RNF146: variants seen among roughly 807,000 people sequenced by gnomAD.
RNF146 encodes ring finger protein 146, also known as E3 ubiquitin-protein ligase RNF146.
RNF146 carries 11 observed loss-of-function variants against 29.7 expected under a neutral mutation model. The ratio of observed to expected loss-of-function variants is 0.37; its 90% CI spans 0.23 to 0.61. The LOEUF (loss-of-function observed/expected upper bound fraction) is 0.61, where lower values mean the gene tolerates loss of function less well. RNF146 is among the 20% of genes least tolerant of loss of function. RNF146 has a pLI of 0.66. For missense variants in RNF146, 342 were observed against 438.9 expected, an observed-to-expected ratio of 0.78 and a Z score of 1.97; for synonymous variants, 150 against 159.7, an observed-to-expected ratio of 0.94 and a Z score of 0.46.
Position 127,286,253 on chromosome 6 carries a change from T to G in RNF146, c.3-363T>G. 1 of 1,112,104 alleles carries G rather than the reference T, an allele frequency of 9.0e-7. No homozygotes were observed. Among genetic ancestry groups the G allele is most frequent in the East Asian group, 3.2e-5 (1 of 31,100 alleles). 68.9% of individuals were successfully genotyped at this position (1,112,104 alleles called of 1,614,324 possible). A position where few individuals can be genotyped will look rare whatever the true frequency, so the allele number is the denominator to read the frequency against. The stretch of plus-strand genomic sequence containing the variant: ...TAATAAAGGACTCTAAAACTCAGAT[T>G]TTTAGATTTCTTGTCTAGCATTCAT... On this transcript the variant is annotated intron_variant, in intron 2 of 2. Coordinates refer to ENST00000368314, the MANE Select transcript of RNF146 (RefSeq NM_001242850.2). This position sits in a 1 kb window ranked among gnomAD's most constrained non-coding sequence, Gnocchi z 4.6.
At chr6:127,278,868 G>A (rs1313847189) in intron 1 of RNF146, among the ~76,000 whole-genome samples, 2 of 151,862 alleles carry the variant, frequency 1.3e-5, no homozygotes, top group African/African-American at 4.8e-5. Flanking sequence ...TTGTGATTTT[G>A]ATTTACATTT....
intron 1 of RNF146, among the ~76,000 whole-genome samples, chr6:127,271,431 A>G (rs1190401744): frequency 6.6e-6 from 1 of 152,222 alleles, no homozygotes; most frequent in African/African-American, 2.4e-5. Flanking sequence ...ATAACAGAAT[A>G]TGCAGTTTTC....
chr6:127,286,914 A>C lies in RNF146; in HGVS notation c.301A>C (p.Asn101His). 1 of 1,613,376 alleles carries C rather than the reference A, an allele frequency of 6.2e-7. No individual in the cohort carries two copies. Among genetic ancestry groups the C allele is most frequent in the Non-Finnish European group, 8.5e-7 (1 of 1,179,592 alleles). The change falls in exon 3 of 3, where the codon AAT becomes CAT. Residue 101 changes from asparagine (N) to histidine (H), a missense_variant. Physicochemically the swap from Asn to His is moderately conservative, Grantham distance 68. Around this residue, in one of 6 missense-constraint regions of RNF146, gnomAD observed 50 missense variants for 54.9 expected, o/e 0.91. Coordinates refer to ENST00000368314, the MANE Select transcript of RNF146 (RefSeq NM_001242850.2). The surrounding 1 kb of genome is among the most constrained non-coding windows in gnomAD (Gnocchi z 4.6). ...PEELKAASRG[N>H]GEYAWYYEGR... ...AGAACTCAAGGCAGCAAGTAGAGGA[A>C]ATGGTGAATATGCATGGTATTATGA...
At chr6:127,274,757 AC>A (rs36121662) in intron 1 of RNF146, among the ~76,000 whole-genome samples, 14,415 of 152,108 alleles carry the variant, frequency 0.095, 716 homozygotes, top group East Asian at 0.15. Context: ...GACTTTGTGG[AC>A]CAAAAAACTT....
At chr6:127,271,902 T>G (rs1777552735) in intron 1 of RNF146, among the ~76,000 whole-genome samples, 1 of 152,150 alleles carries the variant, frequency 6.6e-6, no homozygotes, top group African/African-American at 2.4e-5. Context: ...CCTGTGTCAC[T>G]ACCCACAAAG....
intron 2 of RNF146, among the ~76,000 whole-genome samples, chr6:127,282,794 ACTC>A (rs1298306128): frequency 6.6e-6 from 1 of 151,402 alleles, no homozygotes; most frequent in Non-Finnish European, 1.5e-5. Context: ...CTTTCAGTGA[ACTC>A]CTCTTGTCTC....
chr6:127,277,475 G>A lies in RNF146; in HGVS notation c.-108-2756G>A, dbSNP rs565042316. On this transcript the variant is annotated intron_variant, in intron 1 of 2. Coordinates refer to ENST00000368314, the MANE Select transcript of RNF146 (RefSeq NM_001242850.2). ...AGTATATTAGGCAGTGTTCTCTAGGGGGACAGAACTAATAGAATATATATA... is the reference window on the plus strand; with the variant it reads ...AGTATATTAGGCAGTGTTCTCTAGGAGGACAGAACTAATAGAATATATATA... Among the ~76,000 whole-genome samples, 14 of 152,012 alleles carry A rather than the reference G, an allele frequency of 9.2e-5. 1 individual carries two copies. Among genetic ancestry groups the A allele is most frequent in the African/African-American group, 3.4e-4 (14 of 41,494 alleles).
In RNF146 at chr6:127,287,359, A is replaced by G. The variant is rs1562293856; in HGVS notation, c.746A>G (p.His249Arg). 6.2e-7 allele frequency: 1 copy of G among 1,613,466 alleles called. No individual in the cohort carries two copies. Reference protein sequence around the residue: ...ASTSLEDSFAHLQLSGDNTAE... With the variant: ...ASTSLEDSFARLQLSGDNTAE... Reference sequence around the variant, plus strand: ...ACTTCTCTGGAAGACTCTTTTGCTCATTTACAACTCAGTGGAGACAACACA... The same window carrying G: ...ACTTCTCTGGAAGACTCTTTTGCTCGTTTACAACTCAGTGGAGACAACACA... The change falls in exon 3 of 3, where the codon CAT (histidine) becomes CGT (arginine). Residue 249 changes from histidine (H) to arginine (R), a missense_variant. This residue lies in a region of RNF146 where 196 missense variants were observed against 208.9 expected (regional missense o/e 0.94). Coordinates refer to ENST00000368314, the MANE Select transcript of RNF146 (RefSeq NM_001242850.2).
chr6:127,286,439 C>A lies in RNF146; in HGVS notation c.3-177C>A. 1 of 741,062 alleles carries A rather than the reference C, an allele frequency of 1.3e-6. No homozygotes were observed. The allele number at this position is 741,062 out of a possible 1,614,324, so 45.9% of individuals were successfully genotyped here. A position where few individuals can be genotyped will look rare whatever the true frequency, so the allele number is the denominator to read the frequency against. The stretch of plus-strand genomic sequence containing the variant: ...CAAGGTATGTACAAGTAGATGCTTA[C>A]AAAAAATTTTCATCGGTTGGAGAGT... On this transcript the variant is annotated intron_variant, in intron 2 of 2. Transcript: ENST00000368314. The surrounding 1 kb of genome is among the most constrained non-coding windows in gnomAD (Gnocchi z 4.6).
intron 2 of RNF146, among the ~76,000 whole-genome samples, chr6:127,281,991 A>G (rs1778971909): frequency 6.6e-6 from 1 of 151,692 alleles, no homozygotes; most frequent in South Asian, 2.1e-4. Flanking sequence ...AGGAGGGAGA[A>G]GTTTTATGAT....
At chr6:127,279,892 G>T (rs1278705462) in intron 1 of RNF146, among the ~76,000 whole-genome samples, 2 of 151,718 alleles carry the variant, frequency 1.3e-5, no homozygotes, top group Non-Finnish European at 2.9e-5. Flanking sequence ...GTTGTCTCCT[G>T]GTGTATCAGA....
chr6:127,284,206 G>A (rs1341433168), intron 2 of RNF146, among the ~76,000 whole-genome samples: 2 of 151,748 alleles, frequency 1.3e-5, no homozygotes, highest in East Asian at 1.9e-4. Context: ...ATTGGTCCAC[G>A]TGACATGTTG....
In RNF146 at chr6:127,287,853, G is replaced by A. The variant is rs1326823120; in HGVS notation, c.*160G>A. The A allele has an allele frequency of 5.5e-6, 3 of 549,758 alleles. No homozygotes were observed. The Admixed American group carries it at 9.6e-5, about 18-fold the overall frequency. The allele number at this position is 549,758 out of a possible 1,614,324, so 34.1% of individuals were successfully genotyped here. A position where few individuals can be genotyped will look rare whatever the true frequency, so the allele number is the denominator to read the frequency against. On this transcript the variant is annotated 3_prime_UTR_variant, in exon 3 of 3. Coordinates refer to ENST00000368314, the MANE Select transcript of RNF146 (RefSeq NM_001242850.2). ...TAATTAAAATGTCTAACATGTCTCT[G>A]TTGAGAAATTTATTTAATGTAAGGA...
intron 2 of RNF146, among the ~76,000 whole-genome samples, chr6:127,283,132 T>C (rs1445390678): frequency 1.3e-5 from 2 of 151,780 alleles, no homozygotes; most frequent in Non-Finnish European, 2.9e-5. Context: ...AGACTTAGTA[T>C]TAATAGACTC....
chr6:127,278,664 C>T (rs543403506), intron 1 of RNF146, among the ~76,000 whole-genome samples: 5 of 152,122 alleles, frequency 3.3e-5, no homozygotes, highest in Admixed American at 6.6e-5. Context: ...AGAACCTCTT[C>T]AATTCTATTG....
intron 1 of RNF146, among the ~76,000 whole-genome samples, chr6:127,270,325 C>G (rs1450673763): frequency 1.3e-5 from 2 of 151,944 alleles, no homozygotes; most frequent in Non-Finnish European, 2.9e-5. Flanking sequence ...TGGTTTTAGA[C>G]TTTTTCTTTT....
chr6:127,268,502 C>G (rs1776987688), intron 1 of RNF146, among the ~76,000 whole-genome samples: 1 of 152,090 alleles, frequency 6.6e-6, no homozygotes, highest in Non-Finnish European at 1.5e-5. Flanking sequence ...AAAGAGAAAA[C>G]CGGAAGAGTG....
chr6:127,276,363 G>C lies in RNF146; in HGVS notation c.-108-3868G>C, dbSNP rs771872003. ...TAAAAGTTGACAGAATTTATGGTGT[G>C]GTTGGTTGGGGTGGGGGAGCAGGGG... On this transcript the variant is annotated intron_variant, in intron 1 of 2. Coordinates refer to ENST00000368314, the MANE Select transcript of RNF146 (RefSeq NM_001242850.2). Among the ~76,000 whole-genome samples, 125 of 152,010 alleles carry C rather than the reference G, an allele frequency of 8.2e-4. 1 individual carries two copies. The highest frequency in any genetic ancestry group is 2.8e-4 in the Non-Finnish European group (19 of 67,952).
At chr6:127,280,145 A>T in intron 1 of RNF146, 86 bp from the exon 2 acceptor site, 1 of 547,438 alleles carries the variant, frequency 1.8e-6, no homozygotes, top group South Asian at 2.8e-5. Flanking sequence ...CACTTTTAAG[A>T]TAAAGTTTTC....
Sources: allele counts gnomAD v4.1 joint callset (sites outside exome capture counted in the v4.1 genomes callset), GRCh38; gene constraint gnomAD v4.1.1; regional missense constraint gnomAD v4.1.1; non-coding constraint Gnocchi (gnomAD v3.1); transcripts MANE v1.5; gene names NCBI Gene and HGNC (gene_info 2026-07-23, HGNC 2026-07-21).